The following AGFG1 variants were observed in gnomAD, a reference collection of about 807,000 sequenced individuals.
The protein encoded by AGFG1 is arf-GAP domain and FG repeat-containing protein 1.
Under a neutral mutation model 60.6 loss-of-function variants are expected in AGFG1, and 10 were observed. The ratio of observed to expected loss-of-function variants is 0.16; its 90% confidence interval spans 0.10 to 0.28. The LOEUF (loss-of-function observed/expected upper bound fraction) is 0.28. Ranked by LOEUF, AGFG1 falls within the 10% of genes least tolerant of loss-of-function variation. AGFG1 has a pLI of 1.00. For missense variants in AGFG1, 537 were observed against 676.5 expected (o/e 0.79, Z 2.29); for synonymous variants, 247 against 242.9 (o/e 1.02, Z -0.16).
At chr2:227,481,099 C>CTTTTTTTTTTTTTTTTTTTTT (rs36152184) in intron 1 of AGFG1, among the ~76,000 whole-genome samples, 2 of 75,724 alleles carry the variant, frequency 2.6e-5, no homozygotes, top group African/African-American at 5.4e-5. Context: ...GTGTTTTAGG[C>CTTTTTTTTTTTTTTTTTTTTT]TTTTTTTTTT....
At chr2:227,518,540 A>C (rs35440814) in intron 2 of AGFG1, among the ~76,000 whole-genome samples, 8,914 of 108,322 alleles carry the variant, frequency 0.082, 314 homozygotes, top group Admixed American at 0.12. Flanking sequence ...TTTTTTTTTT[A>C]AAGACAGAGT....
chr2:227,473,228 C>T (rs1431859555), intron 1 of AGFG1, among the ~76,000 whole-genome samples: 1 of 152,038 alleles, frequency 6.6e-6, no homozygotes, highest in Non-Finnish European at 1.5e-5. Flanking sequence ...GATGTGAATC[C>T]CCTGGGAAAA....
At chr2:227,538,979 A>G (rs1255792618) in intron 10 of AGFG1, among the ~76,000 whole-genome samples, 2 of 152,206 alleles carry the variant, frequency 1.3e-5, no homozygotes, top group Admixed American at 6.5e-5. Context: ...CACGTTGGTC[A>G]CCTTTATTAG....
chr2:227,551,380 GTGT>G (rs562807769), intron 10 of AGFG1, among the ~76,000 whole-genome samples: 212 of 152,222 alleles, frequency 1.4e-3, no homozygotes, highest in African/African-American at 5.0e-3. Context: ...AATTGTGTTA[GTGT>G]TGTTAAGAGA....
rs1466858919 is a variant in AGFG1 at position 227,497,730 on chromosome 2, GTTTTGTTTTT to G, written c.261+6095_261+6104del. Among the ~76,000 whole-genome samples, 5 of 38,940 alleles carry G rather than the reference GTTTTGTTTTT, an allele frequency of 1.3e-4. No individual in the cohort carries two copies. In the South Asian group the frequency reaches 3.8e-3, roughly 29 times the overall value. 25.5% of individuals were successfully genotyped at this position (38,940 alleles called of 152,430 possible). On this transcript the variant is annotated intron_variant, in intron 2 of 12. Transcript: ENST00000310078. The stretch of plus-strand genomic sequence containing the variant: ...ATATAGCCAAATGAGTTTCTTTCTT[GTTTTGTTTTT>G]TTTTTTTTTTTTTTTTTTTTTGGGG...
intron 2 of AGFG1, among the ~76,000 whole-genome samples, chr2:227,492,675 A>C (rs1690854583): frequency 1.3e-5 from 2 of 152,080 alleles, no homozygotes; most frequent in South Asian, 4.1e-4. Flanking sequence ...AATATTTTTA[A>C]ATATTTCATA....
intron 5 of AGFG1, among the ~76,000 whole-genome samples, chr2:227,528,712 T>A (rs988970750): frequency 6.6e-6 from 1 of 152,208 alleles, no homozygotes; most frequent in African/African-American, 2.4e-5. Context: ...TCACAGGTAA[T>A]GTTGGACTTT....
chr2:227,476,131 G>T (rs1690274500), intron 1 of AGFG1, among the ~76,000 whole-genome samples: 1 of 151,898 alleles, frequency 6.6e-6, no homozygotes. Flanking sequence ...ACTGAATTTA[G>T]ATTGTAAAAC....
At chr2:227,539,983 G>T (rs982764148) in intron 10 of AGFG1, among the ~76,000 whole-genome samples, 4 of 151,784 alleles carry the variant, frequency 2.6e-5, no homozygotes, top group Non-Finnish European at 5.9e-5. Flanking sequence ...TTACAGGTGC[G>T]TGCCACCATA....
intron 1 of AGFG1, among the ~76,000 whole-genome samples, chr2:227,476,371 C>T (rs1179391831): frequency 5.3e-5 from 8 of 151,984 alleles, no homozygotes; most frequent in African/African-American, 1.7e-4. Flanking sequence ...TAGTTTTAGA[C>T]TAAATTATTT....
intron 2 of AGFG1, among the ~76,000 whole-genome samples, chr2:227,495,571 G>A (rs1306967242): frequency 6.6e-6 from 1 of 150,842 alleles, no homozygotes; most frequent in Non-Finnish European, 1.5e-5. Context: ...AAAATCTATA[G>A]TGATTTTCTG....
intron 2 of AGFG1, among the ~76,000 whole-genome samples, chr2:227,502,878 C>T (rs1433891972): frequency 6.6e-6 from 1 of 152,154 alleles, no homozygotes; most frequent in African/African-American, 2.4e-5. Flanking sequence ...ATATACACTT[C>T]TAGCTCTATT....
rs990464087 is a variant in AGFG1 at position 227,555,858 on chromosome 2, G to C, written c.*1363G>C. ...GCAACCCATATAAGTCACAAAGTCT[G>C]TGTGTTAGAGCTTATGCATTTGTTT... On this transcript the variant is annotated 3_prime_UTR_variant, in exon 13 of 13. Coordinates refer to ENST00000310078, the MANE Select transcript of AGFG1 (RefSeq NM_004504.5). 6.6e-6 allele frequency: 1 copy of C among 152,138 alleles called. No individual in the cohort carries two copies. Among genetic ancestry groups the C allele is most frequent in the African/African-American group, 2.4e-5 (1 of 41,424 alleles). 9.4% of individuals were successfully genotyped at this position (152,138 alleles called of 1,614,324 possible). A position where few individuals can be genotyped will look rare whatever the true frequency, so the allele number is the denominator to read the frequency against.
intron 2 of AGFG1, among the ~76,000 whole-genome samples, chr2:227,499,077 C>A (rs1253296604): frequency 6.6e-6 from 1 of 152,018 alleles, no homozygotes; most frequent in African/African-American, 2.4e-5. Context: ...TAAGCAAATG[C>A]GAGACATAAA....
intron 10 of AGFG1, among the ~76,000 whole-genome samples, chr2:227,544,181 G>A (rs1270217577): frequency 8.9e-6 from 1 of 112,830 alleles, no homozygotes; most frequent in Non-Finnish European, 1.6e-5. Context: ...TTGAGACGGA[G>A]TCTCGCTTTG....
chr2:227,488,354 G>A (rs748606125), intron 1 of AGFG1, among the ~76,000 whole-genome samples: 119 of 152,194 alleles, frequency 7.8e-4, no homozygotes, highest in Non-Finnish European at 1.6e-3. Context: ...AAAGAGTTAG[G>A]GTCAGCTTTA....
In AGFG1 at chr2:227,497,634, T is replaced by G. The variant is rs551235552; in HGVS notation, c.261+5994T>G. Among the ~76,000 whole-genome samples the G allele has an allele frequency of 1.4e-4, 22 of 152,030 alleles. No homozygotes were observed. The South Asian group carries it at 3.3e-3, about 23-fold the overall frequency. On this transcript the variant is annotated intron_variant, in intron 2 of 12. Transcript: ENST00000310078. Reference sequence around the variant, plus strand: ...ATTGGTCTTACTGCCCTCAAGACATTATAGACATCTCTGTGGCATAATCTT... The same window carrying G: ...ATTGGTCTTACTGCCCTCAAGACATGATAGACATCTCTGTGGCATAATCTT...
intron 2 of AGFG1, among the ~76,000 whole-genome samples, chr2:227,516,779 T>C (rs1691663114): frequency 6.6e-6 from 1 of 152,228 alleles, no homozygotes. Flanking sequence ...TTATTGATTT[T>C]AGTTTTAAAA....
At chr2:227,542,249 G>A (rs1164596379) in intron 10 of AGFG1, among the ~76,000 whole-genome samples, 2 of 152,156 alleles carry the variant, frequency 1.3e-5, no homozygotes, top group Non-Finnish European at 2.9e-5. Context: ...AGTTTTCAAA[G>A]GGAATGCTTC....
Sources: gnomAD v4.1 joint callset for allele counts (sites outside exome capture counted in the v4.1 genomes callset) on GRCh38, gnomAD v4.1.1 for gene constraint, MANE v1.5 for transcripts, NCBI Gene and HGNC (gene_info 2026-07-23, HGNC 2026-07-21) for gene names.